Variants in LPCAT3 observed in about 807,000 individuals in gnomAD.
LPCAT3 encodes the protein lysophospholipid acyltransferase 5.
LPCAT3 carries 21 observed loss-of-function variants against 63.4 expected under a neutral mutation model. That is an observed-to-expected ratio of 0.33 (90% CI 0.23 to 0.48). The LOEUF is 0.48. Ranked by LOEUF, LPCAT3 falls within the 20% of genes least tolerant of loss-of-function variation. The pLI, the probability that LPCAT3 is intolerant of heterozygous loss-of-function variation, is 0.99. For synonymous variants in LPCAT3, 242 were observed against 227.5 expected (o/e 1.06, Z -0.58); for missense variants, 451 against 590.6 (o/e 0.76, Z 2.45).
intron 1 of LPCAT3, among the ~76,000 whole-genome samples, chr12:6,998,338 A>G (rs1459252760): frequency 2.6e-5 from 4 of 152,188 alleles, no homozygotes; most frequent in African/African-American, 7.2e-5. Context: ...TCTAATGCCT[A>G]TTGAAGGTGT....
chr12:6,976,954 CTTCCAGATGT>C, intron 12 of LPCAT3, 63 bp from the exon 13 acceptor site: 1 of 575,722 alleles, frequency 1.7e-6, no homozygotes, highest in Admixed American at 3.0e-5. Context: ...GTCTATAGCC[CTTCCAGATGT>C]TTCCTAGCAT....
intron 1 of LPCAT3, among the ~76,000 whole-genome samples, chr12:7,011,695 C>T (rs1194499327): frequency 6.9e-5 from 10 of 144,522 alleles, no homozygotes; most frequent in Admixed American, 4.1e-4. Flanking sequence ...AATTCCCAAA[C>T]GGGAAGGTTT....
chr12:6,986,900 G>C (rs1555154885), intron 1 of LPCAT3, among the ~76,000 whole-genome samples: 1 of 151,788 alleles, frequency 6.6e-6, no homozygotes, highest in East Asian at 1.9e-4. Flanking sequence ...GGTCGCCTGA[G>C]ATCAGGAGTT....
chr12:6,982,047 A>C, intron 3 of LPCAT3, 143 bp from the exon 4 acceptor site: 1 of 620,150 alleles, frequency 1.6e-6, no homozygotes, highest in African/African-American at 1.8e-5. Context: ...AGGTGCTGAA[A>C]ACCTGTAATG....
At position 6,982,770 on chromosome 12, in the gene LPCAT3, T is replaced by C. The variant is rs1555154305; in HGVS notation, c.272A>G (p.Tyr91Cys). 1.2e-6 allele frequency: 2 copies of C among 1,612,754 alleles called. No individual in the cohort carries two copies. Among genetic ancestry groups the C allele is most frequent in the Non-Finnish European group, 8.5e-7 (1 of 1,178,862 alleles). The change falls in exon 3 of 13, where the codon TAC becomes TGC. Residue 91 changes from tyrosine (Y) to cysteine (C), a missense_variant. Around this residue, in one of 3 missense-constraint regions of LPCAT3, gnomAD observed 133 missense variants for 152.1 expected, o/e 0.87. Transcript: ENST00000261407. The stretch of plus-strand genomic sequence containing the variant: ...AAGCACAATACACAGCAGGGAGTGG[T>C]AGAGCTGGTTTCCTGGATGCAAGAA... ...IAYFNFGNQL[Y>C]HSLLCIVLQF...
intron 1 of LPCAT3, among the ~76,000 whole-genome samples, chr12:6,998,036 G>A (rs1946653282): frequency 6.6e-6 from 1 of 151,966 alleles, no homozygotes; most frequent in Non-Finnish European, 1.5e-5. Flanking sequence ...TGTGTTTTGA[G>A]GCAGGGTCTT....
intron 5 of LPCAT3, 188 bp downstream of exon 5, chr12:6,981,407 G>A: frequency 1.4e-6 from 1 of 715,140 alleles, no homozygotes; most frequent in East Asian, 2.6e-5. Flanking sequence ...TGGACTTTGT[G>A]CAAGAGCTGG....
intron 1 of LPCAT3, among the ~76,000 whole-genome samples, chr12:7,001,952 G>A (rs1555156544): frequency 6.6e-6 from 1 of 152,120 alleles, no homozygotes; most frequent in African/African-American, 2.4e-5. Context: ...GGAGTCGGGG[G>A]GGAGTTGAGG....
intron 1 of LPCAT3, among the ~76,000 whole-genome samples, chr12:6,994,190 A>G (rs1555155824): frequency 6.6e-6 from 1 of 152,042 alleles, no homozygotes; most frequent in Non-Finnish European, 1.5e-5. Context: ...ATACCTAGGA[A>G]TGGATCTCCT....
rs1193047586 is a variant in LPCAT3, at chr12:6,976,319, T to C, written c.*585A>G. ...GGTAGCGGCACATACACAATCATAG[T>C]AAATTGGCAGAAGAAAAACACAATA... is the stretch of plus-strand genomic sequence containing the variant. On this transcript the variant is annotated 3_prime_UTR_variant, in exon 13 of 13. Transcript: ENST00000261407. 6.5e-6 allele frequency: 1 copy of C among 153,526 alleles called. No individual in the cohort carries two copies. Among genetic ancestry groups the C allele is most frequent in the Non-Finnish European group, 1.4e-5 (1 of 69,010 alleles). 9.5% of individuals were successfully genotyped at this position (153,526 alleles called of 1,614,324 possible). A position where few individuals can be genotyped will look rare whatever the true frequency, so the allele number is the denominator to read the frequency against.
intron 1 of LPCAT3, among the ~76,000 whole-genome samples, chr12:6,990,916 C>CAAA (rs59031613): frequency 0.025 from 1,722 of 68,096 alleles, 55 homozygotes; most frequent in African/African-American, 0.059. Flanking sequence ...GACTCCAAAT[C>CAAA]AAAAAAAAAA....
At chr12:6,992,298 A>G (rs1454289325) in intron 1 of LPCAT3, among the ~76,000 whole-genome samples, 8 of 150,720 alleles carry the variant, frequency 5.3e-5, no homozygotes, top group Admixed American at 4.0e-4. Context: ...CCCCCACCGC[A>G]CTCTAGCCTG....
chr12:7,018,410 C>T lies in LPCAT3; in HGVS notation c.15G>A (p.Ala5=). The change falls in exon 1 of 13, where the codon GCG becomes GCA. Residue 5 remains alanine, a synonymous_variant. Coordinates refer to ENST00000261407, the MANE Select transcript of LPCAT3 (RefSeq NM_005768.6). This position sits in a 1 kb window ranked among gnomAD's most constrained non-coding sequence, Gnocchi z 4.9. MASS[A]EGDEGTVVAL... is the part of the protein sequence containing the mutation. ...CCACCACAGTCCCCTCGTCCCCCTC[C>T]GCTGAGGACGCCATCTTAACTCCGG... 2.5e-6 allele frequency: 4 copies of T among 1,607,036 alleles called. No homozygotes were observed. The highest frequency in any genetic ancestry group is 3.4e-6 in the Non-Finnish European group (4 of 1,176,186).
At chr12:6,978,723 T>G in intron 7 of LPCAT3, 34 bp from the exon 8 acceptor site, 1 of 1,611,374 alleles carries the variant, frequency 6.2e-7, no homozygotes, top group Non-Finnish European at 8.5e-7. Flanking sequence ...ATTAGGGATA[T>G]CACATGACTA....
chr12:7,010,843 A>G (rs1310102390), intron 1 of LPCAT3, among the ~76,000 whole-genome samples: 1 of 152,040 alleles, frequency 6.6e-6, no homozygotes, highest in Non-Finnish European at 1.5e-5. Context: ...AAAAATATAT[A>G]TATTTATTTT....
At chr12:6,992,393 T>C (rs778663562) in intron 1 of LPCAT3, among the ~76,000 whole-genome samples, 3 of 152,072 alleles carry the variant, frequency 2.0e-5, no homozygotes, top group Non-Finnish European at 2.9e-5. Flanking sequence ...TCTGTTTTGA[T>C]TGTGAGTGCA....
At chr12:7,012,814 A>G (rs772866976) in intron 1 of LPCAT3, among the ~76,000 whole-genome samples, 15 of 152,076 alleles carry the variant, frequency 9.9e-5, no homozygotes, top group Non-Finnish European at 2.1e-4. Context: ...CTGATCCTCC[A>G]CTTGATCTCT....
rs1170985536 is a variant in LPCAT3 at position 6,981,466 on chromosome 12, G to C, written c.498+129C>G. ...GATCCTTGCTCAGTGCTATCTGAAAGGGAGATTGCACAGGCTGGGGAATGA... is the reference window on the plus strand; with the variant it reads ...GATCCTTGCTCAGTGCTATCTGAAACGGAGATTGCACAGGCTGGGGAATGA... On this transcript the variant is annotated intron_variant, in intron 5 of 12. Transcript: ENST00000261407. 3.2e-6 allele frequency: 3 copies of C among 935,226 alleles called. No individual in the cohort carries two copies. In the East Asian group the frequency reaches 7.2e-5, roughly 22 times the overall value. The allele number at this position is 935,226 out of a possible 1,614,324, so 57.9% of individuals were successfully genotyped here. A position where few individuals can be genotyped will look rare whatever the true frequency, so the allele number is the denominator to read the frequency against.
chr12:6,984,918 C>T (rs1752895501), intron 1 of LPCAT3, among the ~76,000 whole-genome samples: 1 of 152,116 alleles, frequency 6.6e-6, no homozygotes, highest in Admixed American at 6.6e-5. Context: ...AATTATGTAA[C>T]TGCAGTTTTT....
Sources: allele counts gnomAD v4.1 joint callset (sites outside exome capture counted in the v4.1 genomes callset), GRCh38; gene constraint gnomAD v4.1.1; regional missense constraint gnomAD v4.1.1; non-coding constraint Gnocchi (gnomAD v3.1); transcripts MANE v1.5; gene names NCBI Gene and HGNC (gene_info 2026-07-23, HGNC 2026-07-21).